SOX6: variants seen among roughly 807,000 people sequenced by gnomAD.
SOX6 encodes the protein SRY-box transcription factor 6, also known as transcription factor SOX-6.
A neutral mutation model predicts 97.8 loss-of-function variants in SOX6; 11 were observed. The ratio of observed to expected loss-of-function variants is 0.11; its 90% CI spans 0.07 to 0.19. SOX6 has a LOEUF of 0.19. SOX6 is among the 10% of genes least tolerant of loss of function. The pLI, the probability that SOX6 is intolerant of heterozygous loss-of-function variation, is 1.00. For missense variants in SOX6, 810 were observed against 1,039.5 expected (o/e 0.78, Z 3.04); for synonymous variants, 360 against 371.4 (o/e 0.97, Z 0.35).
chr11:16,475,441 G>A (rs1454666638), intron 1 of SOX6, among the ~76,000 whole-genome samples: 1 of 152,238 alleles, frequency 6.6e-6, no homozygotes, highest in East Asian at 1.9e-4. Flanking sequence ...AGTCATTGTA[G>A]GGTTATTAAT....
intron 6 of SOX6, among the ~76,000 whole-genome samples, chr11:16,132,730 G>C (rs1322367460): frequency 2.3e-5 from 3 of 131,444 alleles, no homozygotes; most frequent in African/African-American, 8.5e-5. Flanking sequence ...ACACTAACTT[G>C]TCACAATGAC....
intron 1 of SOX6, among the ~76,000 whole-genome samples, chr11:16,421,942 C>T (rs1859029036): frequency 6.6e-6 from 1 of 152,156 alleles, no homozygotes; most frequent in Non-Finnish European, 1.5e-5. Flanking sequence ...GCAATTAACA[C>T]AGCTTTTGCA....
At chr11:16,672,929 G>A (rs752820755) in intron 3 of SOX6, among the ~76,000 whole-genome samples, 1 of 152,102 alleles carries the variant, frequency 6.6e-6, no homozygotes, top group East Asian at 1.9e-4. Flanking sequence ...AAAAGACAAA[G>A]AAGGGAATTA....
intron 4 of SOX6, chr11:16,611,953 C>T (rs1848403512): frequency 2.0e-5 from 3 of 152,604 alleles, no homozygotes; most frequent in African/African-American, 7.2e-5. Context: ...ATAAGTTTTA[C>T]AGACATGCCT....
At chr11:16,627,773 T>C (rs1454583894) in intron 3 of SOX6, among the ~76,000 whole-genome samples, 1 of 152,226 alleles carries the variant, frequency 6.6e-6, no homozygotes, top group East Asian at 1.9e-4. Flanking sequence ...TGATAGTTTA[T>C]TTTGCATGCA....
chr11:16,478,420 A>T (rs1476986981), upstream of SOX6, among the ~76,000 whole-genome samples: 1 of 152,216 alleles, frequency 6.6e-6, no homozygotes, highest in East Asian at 1.9e-4. Context: ...CTAACTCTAG[A>T]AATATTTTTA....
At chr11:16,145,519 A>G (rs186443040) in intron 6 of SOX6, among the ~76,000 whole-genome samples, 7 of 152,276 alleles carry the variant, frequency 4.6e-5, no homozygotes, top group African/African-American at 1.7e-4. Flanking sequence ...GGCAGGAGAA[A>G]GAAATAAAGG....
chr11:16,503,476 T>G (rs1320526349), intron 4 of SOX6, among the ~76,000 whole-genome samples: 1 of 152,192 alleles, frequency 6.6e-6, no homozygotes, highest in Admixed American at 6.5e-5. Context: ...GGATTAAACT[T>G]TCTACTAAAA....
Position 16,047,610 on chromosome 11 carries a change from AAG to A in SOX6, c.1436-911_1436-910del, listed in dbSNP as rs368066032. Among the ~76,000 whole-genome samples the A allele has an allele frequency of 9.4e-4, 143 of 152,238 alleles. 3 individuals carry two copies. In the East Asian group the frequency reaches 0.02, roughly 21 times the overall value. On this transcript the variant is annotated intron_variant, in intron 11 of 15. Coordinates refer to ENST00000683767, the MANE Select transcript of SOX6 (RefSeq NM_001367873.1). ...ATAAGATTTTCCAATTTTAGACAAA[AAG>A]AGGGCAATTTTTTGATGATAGGTTT...
chr11:16,474,636 A>G (rs191421693), intron 1 of SOX6, among the ~76,000 whole-genome samples: 2 of 152,292 alleles, frequency 1.3e-5, no homozygotes, highest in Non-Finnish European at 2.9e-5. Flanking sequence ...TCAGTAAACC[A>G]TGCTATAAAC....
intron 3 of SOX6, among the ~76,000 whole-genome samples, chr11:16,649,514 C>G (rs887270382): frequency 3.8e-4 from 58 of 152,122 alleles, no homozygotes; most frequent in African/African-American, 1.4e-3. Context: ...TTGTATCCAG[C>G]AAAACTAAGC....
chr11:16,597,716 C>T lies in SOX6; in HGVS notation n.609+14365G>A, dbSNP rs1590000804. Among the ~76,000 whole-genome samples, 3 of 151,884 alleles carry T rather than the reference C, an allele frequency of 2.0e-5. No individual in the cohort carries two copies. In the East Asian group the frequency reaches 5.8e-4, roughly 29 times the overall value. On this transcript the variant is annotated intron_variant and non_coding_transcript_variant, in intron 4 of 5. Transcript: ENST00000524520. ...CAAAGATTATAAAATCTCCTTTTGG[C>T]AGGCTTTCAAAATAAAGAGAACTTC...
chr11:16,337,943 T>C (rs1280049022), intron 2 of SOX6, among the ~76,000 whole-genome samples: 1 of 152,002 alleles, frequency 6.6e-6, no homozygotes, highest in Non-Finnish European at 1.5e-5. Flanking sequence ...AATCAGGAAG[T>C]GGGAATTAGT....
At chr11:16,279,881 T>C (rs1238540497) in intron 3 of SOX6, among the ~76,000 whole-genome samples, 1 of 152,102 alleles carries the variant, frequency 6.6e-6, no homozygotes, top group Admixed American at 6.6e-5. Flanking sequence ...TGTATACCAA[T>C]GAGGCATACT....
At chr11:16,006,679 C>A (rs1312457192) in intron 13 of SOX6, among the ~76,000 whole-genome samples, 1 of 152,030 alleles carries the variant, frequency 6.6e-6, no homozygotes, top group East Asian at 1.9e-4. Flanking sequence ...AATAGCAGTT[C>A]TTTTCTGTTT....
At chr11:16,586,124 T>C (rs574114865) in intron 4 of SOX6, among the ~76,000 whole-genome samples, 2 of 152,358 alleles carry the variant, frequency 1.3e-5, no homozygotes, top group East Asian at 3.9e-4. Flanking sequence ...TAAGCATCTA[T>C]ATCTAAAAAG....
chr11:16,325,570 G>A (rs1005245636), intron 2 of SOX6, among the ~76,000 whole-genome samples: 3 of 152,040 alleles, frequency 2.0e-5, no homozygotes, highest in African/African-American at 4.8e-5. Flanking sequence ...TGAAGATGTC[G>A]AGAGAGTCAG....
Position 15,967,589 on chromosome 11 carries a change from C to T in SOX6, c.*5220G>A, listed in dbSNP as rs1368240874. The T allele has an allele frequency of 1.3e-5, 2 of 152,162 alleles. No homozygotes were observed. Among genetic ancestry groups the T allele is most frequent in the Admixed American group, 1.3e-4 (2 of 15,270 alleles). 9.4% of individuals were successfully genotyped at this position (152,162 alleles called of 1,614,324 possible). A position where few individuals can be genotyped will look rare whatever the true frequency, so the allele number is the denominator to read the frequency against. On this transcript the variant is annotated 3_prime_UTR_variant, in exon 16 of 16. Coordinates refer to ENST00000683767, the MANE Select transcript of SOX6 (RefSeq NM_001367873.1). ...AAATGCTAAGCATTCTAATTTGCTA[C>T]AAGCTGGAGGAGGGTACAATAAAGA...
chr11:16,403,163 G>A (rs1858604628), intron 1 of SOX6, among the ~76,000 whole-genome samples: 3 of 151,442 alleles, frequency 2.0e-5, no homozygotes, highest in South Asian at 4.2e-4. Context: ...TGAGCTAATC[G>A]AAATTTGCAA....
Sources: gnomAD v4.1 joint callset for allele counts (sites outside exome capture counted in the v4.1 genomes callset) on GRCh38, gnomAD v4.1.1 for gene constraint, MANE v1.5 for transcripts, NCBI Gene and HGNC (gene_info 2026-07-23, HGNC 2026-07-21) for gene names.